Variants in SLC22A7 observed in about 807,000 individuals in gnomAD.
SLC22A7 encodes the protein solute carrier family 22 member 7, also known as hOAT2.
In SLC22A7, 48 loss-of-function variants were observed where a neutral mutation model predicts 62.2. The observed-to-expected ratio is 0.77, with a 90% CI of 0.61 to 0.98. The LOEUF (loss-of-function observed/expected upper bound fraction) is 0.98. Among genes scored for constraint, SLC22A7 ranks in the 50% least tolerant of loss-of-function variants. SLC22A7 has a pLI of 0.00. For synonymous variants in SLC22A7, 276 were observed against 314.8 expected (o/e 0.88, Z 1.30); for missense variants, 581 against 703.8 (o/e 0.83, Z 1.97).
intron 1 of SLC22A7, 140 bp downstream of exon 1, chr6:43,298,891 A>G: frequency 7.7e-7 from 1 of 1,305,842 alleles, no homozygotes; most frequent in African/African-American, 1.5e-5. Context: ...GGCTATGAAT[A>G]TAAGGCACTT....
chr6:43,299,502 A>T lies in SLC22A7; in HGVS notation c.503+9A>T. The T allele has an allele frequency of 6.2e-7, 1 of 1,609,690 alleles. No individual in the cohort carries two copies. Among genetic ancestry groups the T allele is most frequent in the South Asian group, 1.1e-5 (1 of 90,616 alleles). ...GGATATCTGTCCGACAGGTGGGGTG[A>T]GGCACTGGGCCAATAAGAAACTGGC... On this transcript the variant is annotated intron_variant, in intron 3 of 10. Transcript: ENST00000372585. This position sits in a 1 kb window ranked among gnomAD's most constrained non-coding sequence, Gnocchi z 4.4.
Position 43,304,042 on chromosome 6 carries a change from A to C in SLC22A7, c.1390A>C (p.Thr464Pro). 2.6e-6 allele frequency: 4 copies of C among 1,540,142 alleles called. No homozygotes were observed. Among genetic ancestry groups the C allele is most frequent in the Non-Finnish European group, 3.5e-6 (4 of 1,139,524 alleles). The part of the protein sequence containing the change: ...SELYPTVLRQ[T>P]GMGLTALVGR... ...TCATCCTCTTTCTCTGAACAGACAG[A>C]CAGGGATGGGGCTGACTGCACTGGT... Residue 464 changes from threonine to proline, a missense_variant, in exon 10 of 11, where the codon ACA becomes CCA. By Grantham distance (38) the Thr-to-Pro change is conservative (BLOSUM62 -1). Coordinates refer to ENST00000372585, the MANE Select transcript of SLC22A7 (RefSeq NM_153320.2).
In SLC22A7 at chr6:43,302,859, A is replaced by T; in HGVS notation, c.1385+96A>T. The T allele has an allele frequency of 3.0e-5, 24 of 808,990 alleles. No individual in the cohort carries two copies. Among genetic ancestry groups the T allele is most frequent in the African/African-American group, 3.6e-5 (2 of 55,818 alleles). 50.1% of individuals were successfully genotyped at this position (808,990 alleles called of 1,614,324 possible). ...TACACGCACCACAACCTGGTCTCTC[A>T]CTCATTTTTTTTTTAATTTTAATTT... On this transcript the variant is annotated intron_variant, in intron 9 of 10. Coordinates refer to ENST00000372585, the MANE Select transcript of SLC22A7 (RefSeq NM_153320.2). This position sits in a 1 kb window ranked among gnomAD's most constrained non-coding sequence, Gnocchi z 5.0.
chr6:43,301,507 TG>T, intron 6 of SLC22A7, 75 bp from the exon 7 acceptor site: 5 of 1,201,554 alleles, frequency 4.2e-6, no homozygotes, highest in Non-Finnish European at 6.1e-6. Context: ...TAGAGAGGGG[TG>T]GGGGGAGAGT....
chr6:43,301,741 C>A, intron 7 of SLC22A7, 49 bp downstream of exon 7: 1 of 1,358,642 alleles, frequency 7.4e-7, no homozygotes, highest in Non-Finnish European at 1.0e-6. Context: ...GAGGGAGGAG[C>A]AAACTCCAGG....
intron 5 of SLC22A7, among the ~76,000 whole-genome samples, chr6:43,300,461 TATGTCTAC>T (rs1349928798): frequency 6.6e-6 from 1 of 152,028 alleles, no homozygotes; most frequent in Non-Finnish European, 1.5e-5. Context: ...CCCTTCTGGA[TATGTCTAC>T]ATGTCTGTCC....
Position 43,299,454 on chromosome 6 carries a change from T to A in SLC22A7, c.464T>A (p.Val155Glu). The A allele has an allele frequency of 6.2e-7, 1 of 1,614,000 alleles. No individual in the cohort carries two copies. Among genetic ancestry groups the A allele is most frequent in the South Asian group, 1.1e-5 (1 of 91,074 alleles). ...RAASTFFFAG[V>E]LVGAVAFGYL... is the part of the protein sequence containing the mutation. Reference sequence around the variant, plus strand: ...GCGTCCACTTTCTTCTTCGCCGGTGTGCTGGTGGGGGCTGTGGCCTTTGGA... The same window carrying A: ...GCGTCCACTTTCTTCTTCGCCGGTGAGCTGGTGGGGGCTGTGGCCTTTGGA... Residue 155 changes from valine (V) to glutamate (E), a missense_variant, in exon 3 of 11, where the codon GTG becomes GAG. Val to Glu is a moderately radical substitution (Grantham distance 121). Transcript: ENST00000372585. This position sits in a 1 kb window ranked among gnomAD's most constrained non-coding sequence, Gnocchi z 4.4.
rs1305764644 is a variant in SLC22A7 at position 43,298,817 on chromosome 6, C to T, written c.393+66C>T. ...GGCCTGCCATTGCCTTGGGTGGTTA[C>T]TGTGTAGGCATTAGATGTATTACTT... is the stretch of plus-strand genomic sequence containing the variant. On this transcript the variant is annotated intron_variant, in intron 1 of 10. Transcript: ENST00000372585. 4 of 1,511,590 alleles carry T rather than the reference C, an allele frequency of 2.6e-6. No individual in the cohort carries two copies. In the African/African-American group the frequency reaches 4.2e-5, roughly 16 times the overall value. 93.6% of individuals were successfully genotyped at this position (1,511,590 alleles called of 1,614,324 possible). A position where few individuals can be genotyped will look rare whatever the true frequency, so the allele number is the denominator to read the frequency against.
In SLC22A7 at chr6:43,301,154, C is replaced by T. The variant is rs539249674; in HGVS notation, c.847C>T (p.Arg283Cys). Reference sequence around the variant, plus strand: ...TCCTAGGTGGGTGCCTGAGTCTGCACGCTGGCTTCTGACCCAAGGCCATGT... The same window carrying T: ...TCCTAGGTGGGTGCCTGAGTCTGCATGCTGGCTTCTGACCCAAGGCCATGT... The part of the protein sequence containing the change: ...LSLWWVPESA[R>C]WLLTQGHVKE... Residue 283 changes from arginine to cysteine, a missense_variant, in exon 6 of 11, where the codon CGC (arginine) becomes TGC (cysteine). Transcript: ENST00000372585. 10 of 1,614,030 alleles carry T rather than the reference C, an allele frequency of 6.2e-6. No homozygotes were observed. The highest frequency in any genetic ancestry group is 7.6e-6 in the Non-Finnish European group (9 of 1,180,036).
At position 43,302,322 on chromosome 6, in the gene SLC22A7, TGTC is replaced by T. The variant is rs1357616191; in HGVS notation, c.1186_1188del (p.Ser396del). On this transcript the variant is annotated inframe_deletion, in exon 8 of 11. Coordinates refer to ENST00000372585, the MANE Select transcript of SLC22A7 (RefSeq NM_153320.2). The surrounding 1 kb of genome is among the most constrained non-coding windows in gnomAD (Gnocchi z 5.0). ...CTGCCCTCCAAGCTGCTGGTCTACTTGTCGGTGCGCTACGCAGGACGCCGCCTC... is the reference window on the plus strand; with the variant it reads ...CTGCCCTCCAAGCTGCTGGTCTACTTGGTGCGCTACGCAGGACGCCGCCTC... 2.5e-6 allele frequency: 4 copies of T among 1,613,668 alleles called. No homozygotes were observed. Among genetic ancestry groups the T allele is most frequent in the Non-Finnish European group, 3.4e-6 (4 of 1,180,006 alleles).
intron 9 of SLC22A7, among the ~76,000 whole-genome samples, chr6:43,303,703 C>T (rs992999977): frequency 2.0e-5 from 3 of 152,122 alleles, no homozygotes; most frequent in African/African-American, 7.2e-5. Flanking sequence ...GGTTTGCCTC[C>T]TCGAACAACA....
At chr6:43,301,045 A>C (rs1778724500) in intron 5 of SLC22A7, 90 bp from the exon 6 acceptor site, 3 of 1,539,512 alleles carry the variant, frequency 1.9e-6, no homozygotes, top group Non-Finnish European at 2.7e-6. Flanking sequence ...CATGAGCAAG[A>C]GCCTGGAAGT....
rs552359165 is a variant in SLC22A7 at position 43,300,160 on chromosome 6, A to G, written c.827+94A>G. The stretch of plus-strand genomic sequence containing the variant: ...GATTTGAGGATAGAGAGATTGAGAG[A>G]TGAAGGGAAAGAGAAACGAAGTGAC... On this transcript the variant is annotated intron_variant, in intron 5 of 10. Coordinates refer to ENST00000372585, the MANE Select transcript of SLC22A7 (RefSeq NM_153320.2). The G allele has an allele frequency of 8.3e-6, 11 of 1,324,272 alleles. No homozygotes were observed. In the East Asian group the frequency reaches 2.3e-4, roughly 28 times the overall value. The allele number at this position is 1,324,272 out of a possible 1,614,324, so 82.0% of individuals were successfully genotyped here.
chr6:43,302,597 A>G lies in SLC22A7; in HGVS notation c.1277-58A>G, dbSNP rs1778793085. The G allele has an allele frequency of 2.2e-6, 3 of 1,374,316 alleles. No homozygotes were observed. The highest frequency in any genetic ancestry group is 3.0e-6 in the Non-Finnish European group (3 of 984,522). 85.1% of individuals were successfully genotyped at this position (1,374,316 alleles called of 1,614,324 possible). ...ACTCTGGAGACTCCGCACCCTATCCAGAACACCCCTGGCTCTCCTCCAAGG... is the reference window on the plus strand; with the variant it reads ...ACTCTGGAGACTCCGCACCCTATCCGGAACACCCCTGGCTCTCCTCCAAGG... On this transcript the variant is annotated intron_variant, in intron 8 of 10. Transcript: ENST00000372585. This position sits in a 1 kb window ranked among gnomAD's most constrained non-coding sequence, Gnocchi z 5.0.
chr6:43,300,918 A>G (rs1438908654), intron 5 of SLC22A7, among the ~76,000 whole-genome samples: 1 of 152,238 alleles, frequency 6.6e-6, no homozygotes, highest in African/African-American at 2.4e-5. Context: ...GATTACAGGC[A>G]TGGGCCATTG....
At position 43,304,233 on chromosome 6, in the gene SLC22A7, G is replaced by A. The variant is rs1778861908; in HGVS notation, c.1581G>A (p.Val527=). 6.4e-7 allele frequency: 1 copy of A among 1,563,208 alleles called. No homozygotes were observed. Among genetic ancestry groups the A allele is most frequent in the East Asian group, 2.3e-5 (1 of 43,432 alleles). The change falls in exon 10 of 11, where the codon GTG becomes GTA. Residue 527 remains valine, a synonymous_variant. Transcript: ENST00000372585. ...QAQLPETIQD[V]ERKSAPTSLQ... is the part of the protein sequence containing the mutation. ...AGCTGCCAGAGACCATCCAGGACGT[G>A]GAGAGAAAGAGGTGTGTGCACAGGA...
rs183767538 is a variant in SLC22A7 at position 43,302,896 on chromosome 6, G to A, written c.1385+133G>A. ...TTTAATTTTAATTTTTGGTAGAGAC[G>A]GGGTCTTGCTATATTACCCAGACTG... On this transcript the variant is annotated intron_variant, in intron 9 of 10. Coordinates refer to ENST00000372585, the MANE Select transcript of SLC22A7 (RefSeq NM_153320.2). The surrounding 1 kb of genome is among the most constrained non-coding windows in gnomAD (Gnocchi z 5.0). 2.2e-3 allele frequency: 1,523 copies of A among 695,036 alleles called. 4 individuals are homozygous for A. The highest frequency in any genetic ancestry group is 2.3e-3 in the Non-Finnish European group (980 of 419,946). The allele number at this position is 695,036 out of a possible 1,614,324, so 43.1% of individuals were successfully genotyped here.
chr6:43,303,306 C>T, intron 9 of SLC22A7: 1 of 242,040 alleles, frequency 4.1e-6, no homozygotes, highest in Non-Finnish European at 6.6e-6. Context: ...GCTAAACATA[C>T]AAAATTAGCT....
chr6:43,297,530 C>T (rs1036880744), upstream of SLC22A7, among the ~76,000 whole-genome samples: 2 of 152,150 alleles, frequency 1.3e-5, no homozygotes, highest in South Asian at 4.1e-4. Flanking sequence ...CTTGGTAACT[C>T]CCCCTCCCCC....
Sources: gnomAD v4.1 joint callset for allele counts (sites outside exome capture counted in the v4.1 genomes callset) on GRCh38, gnomAD v4.1.1 for gene constraint, Gnocchi (gnomAD v3.1) non-coding constraint, MANE v1.5 for transcripts, NCBI Gene and HGNC (gene_info 2026-07-23, HGNC 2026-07-21) for gene names.